Variants in FAM193B observed in about 807,000 individuals in gnomAD.
The protein encoded by FAM193B is family with sequence similarity 193 member B.
FAM193B carries 27 observed loss-of-function variants against 70.7 expected under a neutral mutation model. The observed-to-expected ratio is 0.38, with a 90% CI of 0.28 to 0.53. The LOEUF (loss-of-function observed/expected upper bound fraction) is 0.53. Ranked by LOEUF, FAM193B falls within the 20% of genes least tolerant of loss-of-function variation. The pLI is 0.81. For synonymous variants in FAM193B, 448 were observed against 436.0 expected, an observed-to-expected ratio of 1.03 and a Z score of -0.34; for missense variants, 1,022 against 1,072.5, an observed-to-expected ratio of 0.95 and a Z score of 0.66.
Position 177,524,744 on chromosome 5 carries a change from G to C in FAM193B, c.1737C>G (p.Pro579=), listed in dbSNP as rs757093090. 4.5e-6 allele frequency: 7 copies of C among 1,539,836 alleles called. No individual in the cohort carries two copies. The highest frequency in any genetic ancestry group is 6.1e-6 in the Non-Finnish European group (7 of 1,144,190). The change falls in exon 6 of 9, where the codon CCC becomes CCG. Residue 579 remains proline, a synonymous_variant. Coordinates refer to ENST00000514747, the MANE Select transcript of FAM193B (RefSeq NM_001190946.3). ...EVRGPPPGIV[P]ENGLVRRLNT... ...TGAGTCTCCTCACGAGCCCGTTCTC[G>C]GGGACGATACCGGGAGGGGGCCCCC...
In FAM193B at chr5:177,532,612, G is replaced by A; in HGVS notation, c.1106C>T (p.Ala369Val). The change falls in exon 5 of 9, where the codon GCA (alanine) becomes GTA (valine). Residue 369 changes from alanine to valine, a missense_variant. Coordinates refer to ENST00000514747, the MANE Select transcript of FAM193B (RefSeq NM_001190946.3). This position sits in a 1 kb window ranked among gnomAD's most constrained non-coding sequence, Gnocchi z 4.9. ...CAGCTGGCAAGCCAGGCCACTGTGT[G>A]CAAACTTGTGCCCCTTGCACCCGGG... ...RDPGCKGHKF[A>V]HSGLACQLPQ... is the part of the protein sequence containing the mutation. The A allele has an allele frequency of 6.3e-7, 1 of 1,577,838 alleles. No individual in the cohort carries two copies. The highest frequency in any genetic ancestry group is 8.6e-7 in the Non-Finnish European group (1 of 1,167,834).
chr5:177,525,850 G>A (rs1452189322), intron 5 of FAM193B, among the ~76,000 whole-genome samples: 1 of 152,274 alleles, frequency 6.6e-6, no homozygotes, highest in African/African-American at 2.4e-5. Context: ...GCTCAGAGAG[G>A]CCAGGCCCTG....
intron 5 of FAM193B, among the ~76,000 whole-genome samples, chr5:177,527,116 C>T (rs1204220724): frequency 6.7e-6 from 1 of 149,562 alleles, no homozygotes; most frequent in East Asian, 2.0e-4. Flanking sequence ...GGAATCATCC[C>T]GGAGGCAGTG....
In FAM193B at chr5:177,554,518, G is replaced by A; in HGVS notation, c.-60C>T. On this transcript the variant is annotated 5_prime_UTR_variant, in exon 1 of 9. Coordinates refer to ENST00000514747, the MANE Select transcript of FAM193B (RefSeq NM_001190946.3). ...CGCCGCCGCCGCCGCCGCCGCCGCC[G>A]CCGCCGCCGCCGCTACCGCTCCCCT... The A allele has an allele frequency of 2.2e-6, 2 of 914,318 alleles. No individual in the cohort carries two copies. The highest frequency in any genetic ancestry group is 1.3e-6 in the Non-Finnish European group (1 of 762,184). The allele number at this position is 914,318 out of a possible 1,614,324, so 56.6% of individuals were successfully genotyped here.
In FAM193B at chr5:177,549,192, T is replaced by A. The variant is rs370304615; in HGVS notation, c.210+5057A>T. On this transcript the variant is annotated intron_variant, in intron 1 of 8. Coordinates refer to ENST00000514747, the MANE Select transcript of FAM193B (RefSeq NM_001190946.3). ...GTAAGACTGGATTGTCTTTTCTTTT[T>A]TTTTTTTTTTTTTTTTTGAGAAAGG... Among the ~76,000 whole-genome samples, 5 of 142,722 alleles carry A rather than the reference T, an allele frequency of 3.5e-5. No individual in the cohort carries two copies. In the South Asian group the frequency reaches 8.7e-4, roughly 25 times the overall value. The allele number at this position is 142,722 out of a possible 152,430, so 93.6% of individuals were successfully genotyped here. A position where few individuals can be genotyped will look rare whatever the true frequency, so the allele number is the denominator to read the frequency against.
rs146272374 is a variant in FAM193B at position 177,542,734 on chromosome 5, G to A, written c.211-3587C>T. Among the ~76,000 whole-genome samples the A allele has an allele frequency of 6.5e-3, 985 of 152,260 alleles. 13 individuals carry two copies. The highest frequency in any genetic ancestry group is 0.023 in the African/African-American group (944 of 41,558). ...AACCTCCTCTAGGCTTTCTCCTCTC[G>A]TAATTCACTTCTCCTCTCCCATCTC... On this transcript the variant is annotated intron_variant, in intron 1 of 8. Coordinates refer to ENST00000514747, the MANE Select transcript of FAM193B (RefSeq NM_001190946.3).
chr5:177,528,943 T>C (rs770055792), intron 5 of FAM193B, among the ~76,000 whole-genome samples: 9 of 152,140 alleles, frequency 5.9e-5, no homozygotes, highest in Non-Finnish European at 1.0e-4. Context: ...TGAGTGGGTC[T>C]GAAGGAAAGA....
rs781309271 is a variant in FAM193B at position 177,521,966 on chromosome 5, C to T, written c.*1+8G>A. 6 of 1,611,690 alleles carry T rather than the reference C, an allele frequency of 3.7e-6. No homozygotes were observed. Among genetic ancestry groups the T allele is most frequent in the Non-Finnish European group, 5.1e-6 (6 of 1,177,890 alleles). ...AGGCAGTGGATGTAACTCTTGGGGT[C>T]TCTGTACCTCACTGAGCTGTGCTAG... On this transcript the variant is annotated splice_region_variant and intron_variant, in intron 8 of 8. Coordinates refer to ENST00000514747, the MANE Select transcript of FAM193B (RefSeq NM_001190946.3).
At chr5:177,528,504 GAC>G (rs1323195935) in intron 5 of FAM193B, among the ~76,000 whole-genome samples, 13 of 152,210 alleles carry the variant, frequency 8.5e-5, no homozygotes, top group Non-Finnish European at 2.9e-5. Flanking sequence ...GGCTAAGCTA[GAC>G]CAGGAGCCTG....
intron 5 of FAM193B, chr5:177,531,134 C>T: frequency 1.2e-6 from 1 of 847,872 alleles, no homozygotes; most frequent in Non-Finnish European, 1.6e-6. Flanking sequence ...ACCCTGATGC[C>T]TCCCAAACTC....
Position 177,532,805 on chromosome 5 carries a change from C to T in FAM193B, c.1077-164G>A, listed in dbSNP as rs1414276234. The stretch of plus-strand genomic sequence containing the variant: ...ACCTCTCACCTGAACAGGGCGAACA[C>T]CTGCACTGTCCCTCAAGGCCCATCC... On this transcript the variant is annotated intron_variant, in intron 4 of 8. Coordinates refer to ENST00000514747, the MANE Select transcript of FAM193B (RefSeq NM_001190946.3). This position sits in a 1 kb window ranked among gnomAD's most constrained non-coding sequence, Gnocchi z 4.9. Among the ~76,000 whole-genome samples the T allele has an allele frequency of 6.6e-6, 1 of 152,246 alleles. No individual in the cohort carries two copies. The highest frequency in any genetic ancestry group is 1.5e-5 in the Non-Finnish European group (1 of 68,048).
At chr5:177,524,066 A>T in intron 6 of FAM193B, 34 bp from the exon 7 acceptor site, 1 of 1,613,856 alleles carries the variant, frequency 6.2e-7, no homozygotes, top group Non-Finnish European at 8.5e-7. Context: ...CTCAGTGCCC[A>T]TGGCCAGGCC....
chr5:177,532,101 C>CT lies in FAM193B; in HGVS notation c.1275+341dup. The CT allele has an allele frequency of 7.6e-7, 1 of 1,312,620 alleles. No individual in the cohort carries two copies. Among genetic ancestry groups the CT allele is most frequent in the African/African-American group, 1.5e-5 (1 of 67,062 alleles). 81.3% of individuals were successfully genotyped at this position (1,312,620 alleles called of 1,614,324 possible). ...GACTGAGAGCCTTTTTGCTTCCACT[C>CT]TGCCTTCATCACTCCCAAGCGTTCA... On this transcript the variant is annotated intron_variant, in intron 5 of 8. Transcript: ENST00000514747. The surrounding 1 kb of genome is among the most constrained non-coding windows in gnomAD (Gnocchi z 4.9).
At chr5:177,549,288 G>C (rs921513928) in intron 1 of FAM193B, among the ~76,000 whole-genome samples, 53 of 147,532 alleles carry the variant, frequency 3.6e-4, no homozygotes, top group African/African-American at 1.3e-3. Context: ...CACCTCCCAG[G>C]TTCACGCCAT....
At chr5:177,540,256 A>C (rs1373040042) in intron 1 of FAM193B, among the ~76,000 whole-genome samples, 1 of 150,710 alleles carries the variant, frequency 6.6e-6, no homozygotes, top group Admixed American at 6.6e-5. Context: ...GCAGTGAGCC[A>C]AGATCGCGCC....
intron 8 of FAM193B, among the ~76,000 whole-genome samples, chr5:177,520,864 G>A (rs1032836870): frequency 2.0e-5 from 3 of 152,192 alleles, no homozygotes; most frequent in African/African-American, 7.2e-5. Flanking sequence ...CTTCAGAGGA[G>A]AGGAGGACTA....
chr5:177,532,153 T>A lies in FAM193B; in HGVS notation c.1275+290A>T, dbSNP rs751692555. 1 of 1,417,924 alleles carries A rather than the reference T, an allele frequency of 7.1e-7. No homozygotes were observed. The highest frequency in any genetic ancestry group is 9.3e-7 in the Non-Finnish European group (1 of 1,072,368). 87.8% of individuals were successfully genotyped at this position (1,417,924 alleles called of 1,614,324 possible). A position where few individuals can be genotyped will look rare whatever the true frequency, so the allele number is the denominator to read the frequency against. Reference sequence around the variant, plus strand: ...TTCTCTGGGATTACACACGTATACATACTCATCAGAATCATAGCTTTCTCT... The same window carrying A: ...TTCTCTGGGATTACACACGTATACAAACTCATCAGAATCATAGCTTTCTCT... On this transcript the variant is annotated intron_variant, in intron 5 of 8. Transcript: ENST00000514747. This position sits in a 1 kb window ranked among gnomAD's most constrained non-coding sequence, Gnocchi z 4.9.
At chr5:177,554,183 ACTCCCG>A in intron 1 of FAM193B, 60 bp downstream of exon 1, 2 of 1,460,596 alleles carry the variant, frequency 1.4e-6, no homozygotes, top group Non-Finnish European at 1.8e-6. Context: ...ACCCCGCCCC[ACTCCCG>A]CTCCCGCTCG....
intron 5 of FAM193B, chr5:177,531,796 G>T: frequency 1.1e-6 from 1 of 925,050 alleles, no homozygotes; most frequent in Non-Finnish European, 1.4e-6. Flanking sequence ...GAAGCTGTAT[G>T]ACCTTGGGCG....
Sources: allele counts gnomAD v4.1 joint callset (sites outside exome capture counted in the v4.1 genomes callset), GRCh38; gene constraint gnomAD v4.1.1; non-coding constraint Gnocchi (gnomAD v3.1); transcripts MANE v1.5; gene names NCBI Gene and HGNC (gene_info 2026-07-23, HGNC 2026-07-21).